The following HMCN1 variants were observed in gnomAD, a reference collection of about 807,000 sequenced individuals.
HMCN1 encodes the protein hemicentin 1, also known as hemicentin-1.
Under a neutral mutation model 625.9 loss-of-function variants are expected in HMCN1, and 321 were observed. The observed-to-expected ratio is 0.51, with a 90% confidence interval of 0.47 to 0.56. The LOEUF is 0.56. HMCN1 is among the 20% of genes least tolerant of loss of function. The pLI, the probability that HMCN1 is intolerant of heterozygous loss-of-function variation, is 0.00. For synonymous variants in HMCN1, 2,425 were observed against 2,417.6 expected (o/e 1.00, Z -0.09); for missense variants, 6,588 against 6,887.3 (o/e 0.96, Z 1.54).
At position 186,015,356 on chromosome 1, in the gene HMCN1, G is replaced by T; in HGVS notation, c.4828G>T (p.Val1610Phe). The T allele has an allele frequency of 2.5e-6, 4 of 1,613,720 alleles. No homozygotes were observed. Among genetic ancestry groups the T allele is most frequent in the Non-Finnish European group, 2.5e-6 (3 of 1,179,772 alleles). The change falls in exon 31 of 107, where the codon GTC becomes TTC. Residue 1610 changes from valine to phenylalanine, a missense_variant. By Grantham distance (50) the Val-to-Phe change is conservative (BLOSUM62 -1). Coordinates refer to ENST00000271588, the MANE Select transcript of HMCN1 (RefSeq NM_031935.3). ...GQYLHIPRAQVSDSATYTCHV... is the reference protein window; with the variant it reads ...GQYLHIPRAQFSDSATYTCHV... ...ATATCTTCATATTCCTCGAGCACAGGTCTCTGATTCAGCAACATATACGTG... is the reference window on the plus strand; with the variant it reads ...ATATCTTCATATTCCTCGAGCACAGTTCTCTGATTCAGCAACATATACGTG...
chr1:186,151,418 A>G (rs1650655804), intron 94 of HMCN1, 69 bp downstream of exon 94: 1 of 1,466,270 alleles, frequency 6.8e-7, no homozygotes, highest in Non-Finnish European at 9.5e-7. Context: ...CTTCCATTAA[A>G]GTTCTAGAGA....
chr1:185,786,296 C>T (rs1445392282), intron 1 of HMCN1, among the ~76,000 whole-genome samples: 1 of 152,208 alleles, frequency 6.6e-6, no homozygotes, highest in Non-Finnish European at 1.5e-5. Flanking sequence ...TTACACAGTA[C>T]ATAGTCTTCC....
At chr1:186,156,792 T>A (rs964057836) in intron 97 of HMCN1, among the ~76,000 whole-genome samples, 4 of 152,198 alleles carry the variant, frequency 2.6e-5, no homozygotes, top group African/African-American at 9.6e-5. Flanking sequence ...AATAACTTAA[T>A]CACTGAAATA....
intron 30 of HMCN1, among the ~76,000 whole-genome samples, chr1:186,014,481 G>A (rs1233400797): frequency 6.6e-6 from 1 of 151,974 alleles, no homozygotes; most frequent in Non-Finnish European, 1.5e-5. Flanking sequence ...TGCAATGATA[G>A]CATGATCCTG....
rs368789290 is a variant in HMCN1, at chr1:186,018,346, G to C, written c.5464G>C (p.Val1822Leu). ...GDHKKEFEVT[V>L]HVPPTIKSSG... The stretch of plus-strand genomic sequence containing the variant: ...CCACAAGAAGGAATTTGAAGTGACT[G>C]TTCATGGTATGCTGAAGAAGGGACA... The change falls in exon 34 of 107, where the codon GTT becomes CTT. Residue 1822 changes from valine (V) to leucine (L), a missense_variant. Val to Leu is a conservative substitution (Grantham distance 32). Around this residue, in one of 3 missense-constraint regions of HMCN1, gnomAD observed 4,628 missense variants for 4,853.1 expected, o/e 0.95. Coordinates refer to ENST00000271588, the MANE Select transcript of HMCN1 (RefSeq NM_031935.3). 26 of 1,612,448 alleles carry C rather than the reference G, an allele frequency of 1.6e-5. No individual in the cohort carries two copies. The highest frequency in any genetic ancestry group is 2.0e-5 in the Non-Finnish European group (23 of 1,178,754).
At chr1:186,146,072 T>A in intron 93 of HMCN1, 149 bp downstream of exon 93, 1 of 806,686 alleles carries the variant, frequency 1.2e-6, no homozygotes, top group African/African-American at 1.7e-5. Flanking sequence ...TTGGTACAGT[T>A]CTGTATCAAT....
At position 186,057,234 on chromosome 1, in the gene HMCN1, C is replaced by T. The variant is rs140744695; in HGVS notation, c.7145C>T (p.Ala2382Val). The T allele has an allele frequency of 7.1e-5, 114 of 1,609,590 alleles. No homozygotes were observed. In the African/African-American group the frequency reaches 1.4e-3, roughly 20 times the overall value. ...CTGTTTGTTTTATTTTGTCTTACAG[C>T]TCCTCCAAGCATCATAGGAAACCAC... is the stretch of plus-strand genomic sequence containing the variant. ...TDKKYDLSVHAPPSIIGNHRS... is the reference protein window; with the variant it reads ...TDKKYDLSVHVPPSIIGNHRS... The change falls in exon 46 of 107, where the codon GCT (alanine) becomes GTT (valine). Residue 2382 changes from alanine (A) to valine (V), a missense_variant and splice_region_variant. By Grantham distance (64) the Ala-to-Val change is moderately conservative. Around this residue, in one of 3 missense-constraint regions of HMCN1, gnomAD observed 4,628 missense variants for 4,853.1 expected, o/e 0.95. Coordinates refer to ENST00000271588, the MANE Select transcript of HMCN1 (RefSeq NM_031935.3).
rs1031507285 is a variant in HMCN1 at position 186,048,634 on chromosome 1, T to G, written c.6481-109T>G. 3.9e-5 allele frequency: 28 copies of G among 725,416 alleles called. No individual in the cohort carries two copies. In the Admixed American group the frequency reaches 5.9e-4, roughly 15 times the overall value. The allele number at this position is 725,416 out of a possible 1,614,324, so 44.9% of individuals were successfully genotyped here. On this transcript the variant is annotated intron_variant, in intron 41 of 106. Coordinates refer to ENST00000271588, the MANE Select transcript of HMCN1 (RefSeq NM_031935.3). ...ATTGCTATTTTGTCTATTTTTTATA[T>G]GTATGTGAATCTTCAGAATAAAAAT...
chr1:185,875,324 C>T (rs1025370078), intron 4 of HMCN1, among the ~76,000 whole-genome samples: 1 of 152,052 alleles, frequency 6.6e-6, no homozygotes, highest in African/African-American at 2.4e-5. Context: ...CTCATATACT[C>T]ATGTTACAGG....
chr1:185,951,419 T>A (rs1668664526), intron 11 of HMCN1, among the ~76,000 whole-genome samples: 1 of 151,178 alleles, frequency 6.6e-6, no homozygotes, highest in Non-Finnish European at 1.5e-5. Flanking sequence ...AAACGGGCCC[T>A]TGAAAAGAAG....
Position 186,119,599 on chromosome 1 carries a change from G to A in HMCN1, c.11957-146G>A, listed in dbSNP as rs1661300403. The A allele has an allele frequency of 2.4e-5, 20 of 843,922 alleles. No individual in the cohort carries two copies. In the South Asian group the frequency reaches 3.3e-4, roughly 14 times the overall value. The allele number at this position is 843,922 out of a possible 1,614,324, so 52.3% of individuals were successfully genotyped here. On this transcript the variant is annotated intron_variant, in intron 78 of 106. Coordinates refer to ENST00000271588, the MANE Select transcript of HMCN1 (RefSeq NM_031935.3). ...TGTAGCAAGACTCAAAGAATGCAGT[G>A]TGGCCAACATTCACTTTTCTCTTGG...
At chr1:185,800,208 C>G (rs1415641436) in intron 1 of HMCN1, among the ~76,000 whole-genome samples, 7 of 152,192 alleles carry the variant, frequency 4.6e-5, no homozygotes, top group Non-Finnish European at 8.8e-5. Flanking sequence ...AGAAGCTTGC[C>G]CTAGCTCCCA....
At chr1:185,800,876 T>G (rs1658748245) in intron 1 of HMCN1, among the ~76,000 whole-genome samples, 1 of 152,214 alleles carries the variant, frequency 6.6e-6, no homozygotes, top group African/African-American at 2.4e-5. Context: ...AAAATATATT[T>G]ATGTGTCAGC....
chr1:186,161,053 C>T (rs1293682208), intron 97 of HMCN1, among the ~76,000 whole-genome samples: 1 of 152,164 alleles, frequency 6.6e-6, no homozygotes, highest in Non-Finnish European at 1.5e-5. Context: ...GTGTGGGAGT[C>T]TAAGTCTCTT....
chr1:185,998,212 T>C lies in HMCN1; in HGVS notation c.3874+688T>C, dbSNP rs185155810. Reference sequence around the variant, plus strand: ...TGATTTAAAGCAGGTTTGTATGAGTTCTGGCAAAGTCCAAGCAGTAGTCTT... The same window carrying C: ...TGATTTAAAGCAGGTTTGTATGAGTCCTGGCAAAGTCCAAGCAGTAGTCTT... On this transcript the variant is annotated intron_variant, in intron 25 of 106. Transcript: ENST00000271588. 1.5e-3 allele frequency among the ~76,000 whole-genome samples: 231 copies of C among 152,210 alleles called. 2 individuals are homozygous for C. Among genetic ancestry groups the C allele is most frequent in the African/African-American group, 5.4e-3 (223 of 41,536 alleles).
chr1:186,049,111 G>T (rs920659134), intron 42 of HMCN1, among the ~76,000 whole-genome samples: 1 of 151,992 alleles, frequency 6.6e-6, no homozygotes. Flanking sequence ...CCAGCATCTC[G>T]TAATGATTGG....
At chr1:186,050,762 C>T (rs142242558) in intron 42 of HMCN1, among the ~76,000 whole-genome samples, 81 of 152,092 alleles carry the variant, frequency 5.3e-4, no homozygotes, top group African/African-American at 1.8e-3. Context: ...AAGATAGATT[C>T]ACTTAAAAAA....
chr1:185,762,178 G>A (rs1383858253), intron 1 of HMCN1, among the ~76,000 whole-genome samples: 2 of 152,172 alleles, frequency 1.3e-5, no homozygotes, highest in African/African-American at 4.8e-5. Flanking sequence ...TTTCAATTCT[G>A]CCTGGAAAGG....
At chr1:186,086,439 A>G (rs1273085456) in intron 58 of HMCN1, 32 bp downstream of exon 58, 5 of 1,603,082 alleles carry the variant, frequency 3.1e-6, no homozygotes, top group Non-Finnish European at 4.3e-6. Flanking sequence ...AGCAGGCAAA[A>G]TTTTCTCATC....
Sources: allele counts gnomAD v4.1 joint callset (sites outside exome capture counted in the v4.1 genomes callset), GRCh38; gene constraint gnomAD v4.1.1; regional missense constraint gnomAD v4.1.1; transcripts MANE v1.5; gene names NCBI Gene and HGNC (gene_info 2026-07-23, HGNC 2026-07-21).